TMPRSS6: variants seen among roughly 807,000 people sequenced by gnomAD.
TMPRSS6 encodes transmembrane serine protease 6.
A neutral mutation model predicts 101.5 loss-of-function variants in TMPRSS6; 67 were observed. That is an observed-to-expected ratio of 0.66 (90% CI 0.54 to 0.81). The LOEUF (loss-of-function observed/expected upper bound fraction) is 0.81. Among genes scored for constraint, TMPRSS6 ranks in the 30% least tolerant of loss-of-function variants. The pLI is 0.00. For synonymous variants in TMPRSS6, 453 were observed against 464.9 expected (o/e 0.97, Z 0.33); for missense variants, 1,034 against 1,088.7 (o/e 0.95, Z 0.71).
intron 13 of TMPRSS6, among the ~76,000 whole-genome samples, chr22:37,072,622 TGG>T (rs1927171253): frequency 9.6e-6 from 1 of 104,382 alleles, no homozygotes. Flanking sequence ...TGATGGACGA[TGG>T]ATGGATGGAT....
chr22:37,086,226 G>A lies in TMPRSS6; in HGVS notation c.973+57C>T, dbSNP rs554083695. On this transcript the variant is annotated intron_variant, in intron 8 of 17. Transcript: ENST00000676104. ...AAAGGTGAGCAGTGAGCCCAGTGGA[G>A]GGCCCTTGGATTCTACCACCACCCC... 5.4e-4 allele frequency: 873 copies of A among 1,611,950 alleles called. 3 individuals carry two copies. Among genetic ancestry groups the A allele is most frequent in the South Asian group, 5.0e-3 (454 of 90,998 alleles).
At chr22:37,094,198 CCTCAGA>C (rs1338911946) in intron 6 of TMPRSS6, among the ~76,000 whole-genome samples, 1 of 152,068 alleles carries the variant, frequency 6.6e-6, no homozygotes, top group Non-Finnish European at 1.5e-5. Context: ...AGATTATCAA[CCTCAGA>C]CTCTGTAGAG....
chr22:37,073,088 C>A (rs1163365204), intron 13 of TMPRSS6, among the ~76,000 whole-genome samples: 1 of 85,924 alleles, frequency 1.2e-5, no homozygotes, highest in South Asian at 4.4e-4. Flanking sequence ...GATGGATAGA[C>A]GGATGATGGA....
rs769722853 is a variant in TMPRSS6, at chr22:37,075,270, A to G, written c.1207T>C (p.Leu403=). The G allele has an allele frequency of 6.2e-7, 1 of 1,613,540 alleles. No homozygotes were observed. Among genetic ancestry groups the G allele is most frequent in the Non-Finnish European group, 8.5e-7 (1 of 1,179,984 alleles). Residue 403 remains leucine (L), a synonymous_variant, in exon 11 of 18, where the codon TTG becomes CTG. Transcript: ENST00000676104. ...WTIQNRRLCG[L]RILQPYAERI... ...TCGGCGTAGGGCTGCAGGATGCGCA[A>G]GCCACACAGCCTGGGGGGAGTCAGA... is the stretch of plus-strand genomic sequence containing the variant.
chr22:37,099,720 G>A (rs186228987), intron 2 of TMPRSS6, among the ~76,000 whole-genome samples: 91 of 152,276 alleles, frequency 6.0e-4, no homozygotes, highest in African/African-American at 2.1e-3. Flanking sequence ...GGCATGGGAC[G>A]GGCTGCGATA....
intron 8 of TMPRSS6, 55 bp downstream of exon 8, chr22:37,086,228 G>A (rs987832025): frequency 2.5e-6 from 4 of 1,611,626 alleles, no homozygotes; most frequent in African/African-American, 2.7e-5. Context: ...CCAGTGGAGG[G>A]CCCTTGGATT....
At chr22:37,071,491 G>A (rs936490365) in intron 13 of TMPRSS6, among the ~76,000 whole-genome samples, 4 of 152,130 alleles carry the variant, frequency 2.6e-5, no homozygotes, top group African/African-American at 9.7e-5. Flanking sequence ...TTAAGTTTTA[G>A]CTCTCACCAA....
intron 13 of TMPRSS6, among the ~76,000 whole-genome samples, chr22:37,072,083 G>A (rs1035344696): frequency 6.6e-6 from 1 of 151,078 alleles, no homozygotes; most frequent in Non-Finnish European, 1.5e-5. Flanking sequence ...GATGATGGAT[G>A]GATGGATGAT....
chr22:37,101,118 C>T lies in TMPRSS6; in HGVS notation c.202+2098G>A, dbSNP rs145117780. Among the ~76,000 whole-genome samples, 8 of 152,048 alleles carry T rather than the reference C, an allele frequency of 5.3e-5. No individual in the cohort carries two copies. The highest frequency in any genetic ancestry group is 3.3e-4 in the Admixed American group (5 of 15,274). On this transcript the variant is annotated intron_variant, in intron 2 of 17. Coordinates refer to ENST00000676104, the MANE Select transcript of TMPRSS6 (RefSeq NM_001374504.1). This position sits in a 1 kb window ranked among gnomAD's most constrained non-coding sequence, Gnocchi z 4.1. The stretch of plus-strand genomic sequence containing the variant: ...AGGAGCAGAGAAATGGGGGAGGCAC[C>T]CCAAGGGACACTGGGGGAGAGAGGG...
chr22:37,106,782 C>T (rs974904328), intron 1 of TMPRSS6, among the ~76,000 whole-genome samples: 2 of 152,240 alleles, frequency 1.3e-5, no homozygotes, highest in Admixed American at 1.3e-4. Flanking sequence ...GTGGCTATAA[C>T]TTCCATCATG....
chr22:37,098,043 A>T, intron 3 of TMPRSS6, among the ~76,000 whole-genome samples: 1 of 123,416 alleles, frequency 8.1e-6, no homozygotes. Context: ...AGGAGCGGCC[A>T]CCGTCCTGTA....
At chr22:37,096,119 G>C (rs190426079) in intron 4 of TMPRSS6, 29 bp from the exon 5 acceptor site, 1 of 1,613,234 alleles carries the variant, frequency 6.2e-7, no homozygotes, top group South Asian at 1.1e-5. Context: ...AGAGAGGCCA[G>C]GGAAGGATTC....
At chr22:37,089,548 T>G in intron 7 of TMPRSS6, 30 bp downstream of exon 7, 13 of 874,936 alleles carry the variant, frequency 1.5e-5, no homozygotes, top group Non-Finnish European at 1.9e-5. Flanking sequence ...TTTCCAGCCC[T>G]CCCTCCTGCC....
chr22:37,081,590 T>C (rs1188226408), intron 10 of TMPRSS6, among the ~76,000 whole-genome samples: 1 of 152,110 alleles, frequency 6.6e-6, no homozygotes, highest in East Asian at 1.9e-4. Flanking sequence ...ATGCAAACCC[T>C]GATGCCAGCC....
chr22:37,074,775 G>T, intron 11 of TMPRSS6, 67 bp from the exon 12 acceptor site: 2 of 1,525,824 alleles, frequency 1.3e-6, no homozygotes, highest in South Asian at 1.1e-5. Context: ...CCGCGAAGGC[G>T]CACAAAGACA....
chr22:37,066,991 T>G, intron 16 of TMPRSS6, 29 bp from the exon 17 acceptor site: 1 of 1,613,958 alleles, frequency 6.2e-7, no homozygotes. Context: ...AGAAGTGAGA[T>G]CTCAGGAGCC....
Position 37,075,148 on chromosome 22 carries a change from G to A in TMPRSS6, c.1329C>T (p.Tyr443=), listed in dbSNP as rs953894744. Reference sequence around the variant, plus strand: ...GCCCATACTCACGGTCCGACTGGTTGTACAAGCCATAGTGCACCCGCACAC... The same window carrying A: ...GCCCATACTCACGGTCCGACTGGTTATACAAGCCATAGTGCACCCGCACAC... ...GPGVRVHYGL[Y]NQSDPCPGEF... The change falls in exon 11 of 18, where the codon TAC becomes TAT. Residue 443 remains tyrosine (Y), a synonymous_variant. Transcript: ENST00000676104. 3 of 1,613,800 alleles carry A rather than the reference G, an allele frequency of 1.9e-6. No individual in the cohort carries two copies. Among genetic ancestry groups the A allele is most frequent in the Non-Finnish European group, 8.5e-7 (1 of 1,180,032 alleles).
At chr22:37,095,865 C>T (rs1929708429) in intron 5 of TMPRSS6, 41 bp downstream of exon 5, 3 of 1,611,770 alleles carry the variant, frequency 1.9e-6, no homozygotes, top group Non-Finnish European at 2.5e-6. Flanking sequence ...TTTCCCCCAA[C>T]CTCATGAGGC....
chr22:37,083,839 T>G, intron 10 of TMPRSS6: 1 of 327,658 alleles, frequency 3.1e-6, no homozygotes, highest in Non-Finnish European at 5.6e-6. Context: ...CCCTGTGCAA[T>G]GGGATTGGGC....
Sources: allele counts gnomAD v4.1 joint callset (sites outside exome capture counted in the v4.1 genomes callset), GRCh38; gene constraint gnomAD v4.1.1; non-coding constraint Gnocchi (gnomAD v3.1); transcripts MANE v1.5; gene names NCBI Gene and HGNC (gene_info 2026-07-23, HGNC 2026-07-21).